Variants in GRM7 observed in about 807,000 individuals in gnomAD.
The protein encoded by GRM7 is glutamate metabotropic receptor 7.
Under a neutral mutation model 84.5 loss-of-function variants are expected in GRM7, and 35 were observed. The ratio of observed to expected loss-of-function variants is 0.41; its 90% CI spans 0.32 to 0.55. The LOEUF (loss-of-function observed/expected upper bound fraction) is 0.55, where lower values mean the gene tolerates loss of function less well. GRM7 is among the 20% of genes least tolerant of loss of function. GRM7 has a pLI of 0.19. For synonymous variants in GRM7, 487 were observed against 455.1 expected (o/e 1.07, Z -0.89); for missense variants, 1,003 against 1,194.6 (o/e 0.84, Z 2.36).
At chr3:7,060,525 A>G (rs560650283) in intron 1 of GRM7, among the ~76,000 whole-genome samples, 1 of 151,894 alleles carries the variant, frequency 6.6e-6, no homozygotes, top group East Asian at 1.9e-4. Context: ...ATACCAATCT[A>G]TACAGTAGAA....
At chr3:7,136,689 A>C (rs2125058546) in intron 1 of GRM7, among the ~76,000 whole-genome samples, 1 of 152,254 alleles carries the variant, frequency 6.6e-6, no homozygotes, top group East Asian at 1.9e-4. Context: ...CAGGTCAAAG[A>C]AATCTGTTCT....
intron 1 of GRM7, among the ~76,000 whole-genome samples, chr3:7,097,236 G>A (rs879934388): frequency 1.3e-5 from 2 of 152,022 alleles, no homozygotes; most frequent in African/African-American, 4.8e-5. Flanking sequence ...GATAATCTAG[G>A]TGAATATTGT....
chr3:6,950,297 C>T (rs1692688225), intron 1 of GRM7, among the ~76,000 whole-genome samples: 1 of 152,206 alleles, frequency 6.6e-6, no homozygotes, highest in Non-Finnish European at 1.5e-5. Flanking sequence ...AGCTGCAGGT[C>T]TGTTGGAGTT....
At chr3:7,179,741 C>CCA (rs1695275577) in intron 2 of GRM7, among the ~76,000 whole-genome samples, 1 of 152,112 alleles carries the variant, frequency 6.6e-6, no homozygotes, top group Non-Finnish European at 1.5e-5. Flanking sequence ...AAGTGCAATG[C>CCA]TTGTCTTAAA....
chr3:6,993,516 G>A (rs936013818), intron 1 of GRM7, among the ~76,000 whole-genome samples: 2 of 152,214 alleles, frequency 1.3e-5, no homozygotes, highest in Non-Finnish European at 2.9e-5. Flanking sequence ...TTAAGAGAGT[G>A]TAGAAGAAAG....
At chr3:7,363,262 A>C (rs1221672802) in intron 4 of GRM7, among the ~76,000 whole-genome samples, 1 of 152,094 alleles carries the variant, frequency 6.6e-6, no homozygotes, top group Non-Finnish European at 1.5e-5. Flanking sequence ...GAATCACAAA[A>C]GCCATGGTTG....
At chr3:7,739,599 T>A (rs1702622268) in intron 9 of GRM7, among the ~76,000 whole-genome samples, 1 of 152,188 alleles carries the variant, frequency 6.6e-6, no homozygotes, top group African/African-American at 2.4e-5. Context: ...GTTTCCAGCA[T>A]GAGGACATGA....
At chr3:7,171,525 A>C in intron 2 of GRM7, among the ~76,000 whole-genome samples, 1 of 152,146 alleles carries the variant, frequency 6.6e-6, no homozygotes, top group East Asian at 1.9e-4. Context: ...TTCAGAATAT[A>C]CTACAGCTAT....
At chr3:7,712,503 T>C (rs1282967359) in intron 9 of GRM7, among the ~76,000 whole-genome samples, 2 of 152,072 alleles carry the variant, frequency 1.3e-5, no homozygotes, top group Non-Finnish European at 2.9e-5. Context: ...CATCTAAATT[T>C]TCTTTCCTTC....
At chr3:7,010,588 G>A (rs1335355357) in intron 1 of GRM7, among the ~76,000 whole-genome samples, 2 of 152,358 alleles carry the variant, frequency 1.3e-5, no homozygotes, top group Admixed American at 6.5e-5. Context: ...TATTGAGGGT[G>A]ATAAGACATT....
intron 1 of GRM7, among the ~76,000 whole-genome samples, chr3:7,099,524 A>G (rs1253850137): frequency 6.8e-6 from 1 of 148,096 alleles, no homozygotes; most frequent in South Asian, 2.1e-4. Context: ...ATGTATATGT[A>G]CACGCATTAT....
intron 8 of GRM7, among the ~76,000 whole-genome samples, chr3:7,587,085 G>A (rs1226070761): frequency 6.6e-6 from 1 of 152,084 alleles, no homozygotes; most frequent in Non-Finnish European, 1.5e-5. Context: ...ATATATATAA[G>A]TCAAAATTGA....
chr3:7,441,978 A>G (rs1227911381), intron 5 of GRM7, among the ~76,000 whole-genome samples: 1 of 151,824 alleles, frequency 6.6e-6, no homozygotes. Context: ...TTGGTTCCAT[A>G]TGACTTTTAG....
intron 1 of GRM7, among the ~76,000 whole-genome samples, chr3:7,133,613 G>A (rs1025068247): frequency 5.3e-5 from 8 of 152,158 alleles, no homozygotes; most frequent in Non-Finnish European, 8.8e-5. Flanking sequence ...TTAGTGTTTG[G>A]TAAGCCAAAC....
chr3:7,566,749 TA>T (rs200028283), intron 7 of GRM7, among the ~76,000 whole-genome samples: 23,882 of 149,162 alleles, frequency 0.16, 1,989 homozygotes, highest in African/African-American at 0.18. Context: ...TAGAGGTTGT[TA>T]AAAAAAAAAA....
chr3:6,934,952 C>G (rs112181570), intron 1 of GRM7, among the ~76,000 whole-genome samples: 90 of 152,322 alleles, frequency 5.9e-4, no homozygotes, highest in African/African-American at 2.2e-3. Context: ...TCAAGGTTCT[C>G]AGTGAACACT....
intron 9 of GRM7, among the ~76,000 whole-genome samples, chr3:7,700,232 G>A (rs1355965351): frequency 6.6e-6 from 1 of 152,162 alleles, no homozygotes; most frequent in Non-Finnish European, 1.5e-5. Context: ...ACTCAAGTCA[G>A]AAACCTGCCT....
chr3:7,352,059 A>ACACAC (rs1297486127), intron 4 of GRM7, among the ~76,000 whole-genome samples: 1,808 of 70,350 alleles, frequency 0.026, 29 homozygotes, highest in African/African-American at 0.069. Flanking sequence ...CACACACACC[A>ACACAC]CACACACACA....
At chr3:7,213,724 G>A (rs573772339) in intron 2 of GRM7, among the ~76,000 whole-genome samples, 2 of 152,234 alleles carry the variant, frequency 1.3e-5, no homozygotes, top group South Asian at 4.1e-4. Context: ...CTCCAGAGCT[G>A]CCCTGCCTTG....
Sources: gnomAD v4.1 joint callset for allele counts (sites outside exome capture counted in the v4.1 genomes callset) on GRCh38, gnomAD v4.1.1 for gene constraint, MANE v1.5 for transcripts, NCBI Gene and HGNC (gene_info 2026-07-23, HGNC 2026-07-21) for gene names.